Variants in ZIM2 observed in about 807,000 individuals in gnomAD.
The protein encoded by ZIM2 is zinc finger imprinted 2.
ZIM2 carries 14 observed loss-of-function variants against 38.6 expected under a neutral mutation model. The observed-to-expected ratio is 0.36, with a 90% CI of 0.24 to 0.57. The LOEUF (loss-of-function observed/expected upper bound fraction) is 0.57, where lower values mean the gene tolerates loss of function less well. Ranked by LOEUF, ZIM2 falls within the 20% of genes least tolerant of loss-of-function variation. The pLI is 0.81. For missense variants in ZIM2, 680 were observed against 695.1 expected, an observed-to-expected ratio of 0.98 and a Z score of 0.24; for synonymous variants, 247 against 245.8, an observed-to-expected ratio of 1.00 and a Z score of -0.04.
At chr19:56,799,886 A>G (rs1289011810) in intron 9 of ZIM2, among the ~76,000 whole-genome samples, 1 of 152,238 alleles carries the variant, frequency 6.6e-6, no homozygotes, top group African/African-American at 2.4e-5. Flanking sequence ...TACATGCGAT[A>G]AAATGGATGA....
At chr19:56,808,938 G>C (rs910613653) in intron 9 of ZIM2, among the ~76,000 whole-genome samples, 1 of 152,026 alleles carries the variant, frequency 6.6e-6, no homozygotes, top group African/African-American at 2.4e-5. Context: ...AGTCTGACTG[G>C]ACACGGGGAA....
At position 56,814,969 on chromosome 19, in the gene ZIM2, G is replaced by A; in HGVS notation, c.490+2777C>T. The A allele has an allele frequency of 1.2e-6, 2 of 1,614,152 alleles. No individual in the cohort carries two copies. Among genetic ancestry groups the A allele is most frequent in the Non-Finnish European group, 1.7e-6 (2 of 1,179,990 alleles). The stretch of plus-strand genomic sequence containing the variant: ...TGGACATTCATACAGCTGCTCTCCA[G>A]TGTAATCTCTCTGATACTCGCTGAT... On this transcript the variant is annotated intron_variant, in intron 9 of 12. Coordinates refer to ENST00000629319, the MANE Select transcript of ZIM2 (RefSeq NM_001387356.1). This position sits in a 1 kb window ranked among gnomAD's most constrained non-coding sequence, Gnocchi z 5.8.
At chr19:56,812,389 C>G (rs2059597585) in intron 9 of ZIM2, 3 of 984,278 alleles carry the variant, frequency 3.0e-6, no homozygotes, top group Non-Finnish European at 3.6e-6. Context: ...GAACCTGAGT[C>G]CATGTTAAGC....
intron 10 of ZIM2, among the ~76,000 whole-genome samples, chr19:56,782,830 C>T (rs1175733392): frequency 6.6e-6 from 1 of 151,946 alleles, no homozygotes; most frequent in East Asian, 1.9e-4. Context: ...ATGGGGTATC[C>T]ATCCCCTTAG....
chr19:56,802,848 T>C (rs2145999440), intron 9 of ZIM2, among the ~76,000 whole-genome samples: 1 of 152,300 alleles, frequency 6.6e-6, no homozygotes, highest in Admixed American at 6.5e-5. Context: ...TGACCAAGCA[T>C]TCCAAAAGCT....
chr19:56,791,415 C>A (rs1475021211), intron 9 of ZIM2: 1 of 152,164 alleles, frequency 6.6e-6, no homozygotes, highest in Non-Finnish European at 1.5e-5. Context: ...TCACTATTAG[C>A]ATTTTAAAAA....
At chr19:56,798,081 T>G (rs545250770) in intron 9 of ZIM2, 1 of 152,314 alleles carries the variant, frequency 6.6e-6, no homozygotes, top group African/African-American at 2.4e-5. Context: ...GAAACTTCTT[T>G]GAAACTGAAG....
In ZIM2 at chr19:56,812,748, G is replaced by A. The variant is rs2059621881; in HGVS notation, c.490+4998C>T. The A allele has an allele frequency of 2.6e-5, 26 of 983,702 alleles. No individual in the cohort carries two copies. In the South Asian group the frequency reaches 1.2e-3, roughly 46 times the overall value. 60.9% of individuals were successfully genotyped at this position (983,702 alleles called of 1,614,324 possible). ...TTGTAACCCATTCTTTAAAGGCAAAGATGTAAGATTTACAGGGAAAAGCTT... is the reference window on the plus strand; with the variant it reads ...TTGTAACCCATTCTTTAAAGGCAAAAATGTAAGATTTACAGGGAAAAGCTT... On this transcript the variant is annotated intron_variant, in intron 9 of 12. Transcript: ENST00000629319.
intron 9 of ZIM2, chr19:56,813,374 T>C: frequency 1.7e-6 from 2 of 1,172,630 alleles, no homozygotes; most frequent in Admixed American, 4.1e-5. Context: ...TTACAGTTGA[T>C]TTGGGCAAAC....
At chr19:56,829,361 A>AG (rs1459029764) in intron 2 of ZIM2, among the ~76,000 whole-genome samples, 8 of 151,590 alleles carry the variant, frequency 5.3e-5, no homozygotes, top group Admixed American at 5.3e-4. Context: ...AAAAAAAAAA[A>AG]GTCAGCTGCA....
Position 56,838,842 on chromosome 19 carries a change from T to C in ZIM2, c.-314+1740A>G, listed in dbSNP as rs563049204. On this transcript the variant is annotated intron_variant, in intron 1 of 12. Transcript: ENST00000629319. The stretch of plus-strand genomic sequence containing the variant: ...GCAAGGCAGGCAAGCACAGCAACCG[T>C]GGCCCCGCCCCTCCCTGTGGACAAC... Among the ~76,000 whole-genome samples, 10 of 152,256 alleles carry C rather than the reference T, an allele frequency of 6.6e-5. No homozygotes were observed. In the East Asian group the frequency reaches 1.7e-3, roughly 27 times the overall value.
chr19:56,836,520 T>C (rs1348640687), intron 1 of ZIM2, among the ~76,000 whole-genome samples: 2 of 152,212 alleles, frequency 1.3e-5, no homozygotes, highest in Non-Finnish European at 2.9e-5. Flanking sequence ...ATGTTCTCAG[T>C]GGACTAATAG....
chr19:56,791,561 G>A (rs1038682960), intron 9 of ZIM2, among the ~76,000 whole-genome samples: 1 of 152,140 alleles, frequency 6.6e-6, no homozygotes, highest in Admixed American at 6.5e-5. Context: ...GTATAATTAA[G>A]GCCTGTGAAT....
intron 3 of ZIM2, among the ~76,000 whole-genome samples, chr19:56,825,285 C>A (rs2060911251): frequency 6.6e-6 from 1 of 152,162 alleles, no homozygotes; most frequent in Non-Finnish European, 1.5e-5. Flanking sequence ...GAAGACCATT[C>A]AAAAATATTA....
chr19:56,781,627 T>C (rs1342047839), intron 11 of ZIM2, among the ~76,000 whole-genome samples: 1 of 152,146 alleles, frequency 6.6e-6, no homozygotes, highest in Non-Finnish European at 1.5e-5. Flanking sequence ...AGCCTTTCAA[T>C]GACTCAGGTT....
In ZIM2 at chr19:56,814,398, A is replaced by G. The variant is rs1423021973; in HGVS notation, c.490+3348T>C. On this transcript the variant is annotated intron_variant, in intron 9 of 12. Transcript: ENST00000629319. This position sits in a 1 kb window ranked among gnomAD's most constrained non-coding sequence, Gnocchi z 5.8. ...CTTCCAGATGAAGCTCCTTATGTTTAGTGAGGACTGTGCTATGAATAAAGG... is the reference window on the plus strand; with the variant it reads ...CTTCCAGATGAAGCTCCTTATGTTTGGTGAGGACTGTGCTATGAATAAAGG... The G allele has an allele frequency of 6.2e-7, 1 of 1,613,822 alleles. No individual in the cohort carries two copies. Among genetic ancestry groups the G allele is most frequent in the South Asian group, 1.1e-5 (1 of 91,070 alleles).
Position 56,824,507 on chromosome 19 carries a change from C to T in ZIM2, c.-150-80G>A, listed in dbSNP as rs117930727. The T allele has an allele frequency of 4.6e-4, 742 of 1,614,070 alleles. 4 individuals carry two copies. In the East Asian group the frequency reaches 0.012, roughly 26 times the overall value. The stretch of plus-strand genomic sequence containing the variant: ...AACAAATTCCACATAGATTAGGTTC[C>T]GAAACCTCTGATGAAAAAACTCAGA... On this transcript the variant is annotated intron_variant, in intron 3 of 12. Coordinates refer to ENST00000629319, the MANE Select transcript of ZIM2 (RefSeq NM_001387356.1).
intron 10 of ZIM2, among the ~76,000 whole-genome samples, chr19:56,786,316 G>C (rs1484577124): frequency 6.6e-6 from 1 of 151,968 alleles, no homozygotes; most frequent in African/African-American, 2.4e-5. Context: ...CAAGGAAAAG[G>C]CCCTTTTCAA....
At position 56,775,327 on chromosome 19, in the gene ZIM2, A is replaced by G; in HGVS notation, c.1038T>C (p.Cys346=). 2 of 1,614,176 alleles carry G rather than the reference A, an allele frequency of 1.2e-6. No individual in the cohort carries two copies. Among genetic ancestry groups the G allele is most frequent in the Non-Finnish European group, 1.7e-6 (2 of 1,180,020 alleles). The stretch of plus-strand genomic sequence containing the variant: ...CTTGGGATGCTGACTGGGGACTCGT[A>G]CATATTCCAGGAGCAGTGCCTTCCT... ...DPQEGTAPGI[C]TSPQSASQEN... The change falls in exon 13 of 13, where the codon TGT becomes TGC. Residue 346 remains cysteine (C), a synonymous_variant. Transcript: ENST00000629319.
Sources: allele counts gnomAD v4.1 joint callset (sites outside exome capture counted in the v4.1 genomes callset), GRCh38; gene constraint gnomAD v4.1.1; non-coding constraint Gnocchi (gnomAD v3.1); transcripts MANE v1.5; gene names NCBI Gene and HGNC (gene_info 2026-07-23, HGNC 2026-07-21).